The following RPA1 variants were observed in gnomAD, a reference collection of about 807,000 sequenced individuals.
The protein encoded by RPA1 is replication protein A1.
In RPA1, 49 loss-of-function variants were observed where a neutral mutation model predicts 83.0. The ratio of observed to expected loss-of-function variants is 0.59; its 90% confidence interval spans 0.47 to 0.75. RPA1 has a LOEUF of 0.75. RPA1 is among the 30% of genes least tolerant of loss of function. RPA1 has a pLI of 0.00. For missense variants in RPA1, 693 were observed against 776.1 expected (o/e 0.89, Z 1.27); for synonymous variants, 279 against 281.8 (o/e 0.99, Z 0.10).
chr17:1,848,832 A>G (rs560045418), intron 4 of RPA1, among the ~76,000 whole-genome samples: 2 of 151,992 alleles, frequency 1.3e-5, no homozygotes, highest in Admixed American at 6.5e-5. Flanking sequence ...CCAAAGTCCT[A>G]GGATTACAGG....
intron 13 of RPA1, among the ~76,000 whole-genome samples, chr17:1,886,428 C>G (rs1913993788): frequency 6.6e-6 from 1 of 152,218 alleles, no homozygotes; most frequent in Non-Finnish European, 1.5e-5. Flanking sequence ...GAGAGTCAGC[C>G]TTTCCTTTGA....
chr17:1,890,523 C>A (rs552988087), intron 14 of RPA1, among the ~76,000 whole-genome samples: 42 of 151,618 alleles, frequency 2.8e-4, no homozygotes, highest in Non-Finnish European at 5.3e-4. Context: ...ATTAGCCAGG[C>A]GTGGTGGCGG....
chr17:1,852,730 A>G (rs7224523), intron 4 of RPA1, among the ~76,000 whole-genome samples: 31,281 of 152,184 alleles, frequency 0.21, 3,390 homozygotes, highest in Admixed American at 0.24. Context: ...TAAAATATCT[A>G]TTGTCATAAT....
At chr17:1,833,988 C>T (rs573711905) in intron 1 of RPA1, among the ~76,000 whole-genome samples, 1 of 152,276 alleles carries the variant, frequency 6.6e-6, no homozygotes, top group Non-Finnish European at 1.5e-5. Flanking sequence ...TCGAGATCAG[C>T]CTGGCCAACA....
chr17:1,840,622 C>G (rs1410663009), intron 1 of RPA1, among the ~76,000 whole-genome samples: 1 of 151,886 alleles, frequency 6.6e-6, no homozygotes, highest in East Asian at 1.9e-4. Context: ...GTTGCCCCGA[C>G]TGGTCTCGAA....
chr17:1,868,659 T>C (rs965217083), intron 5 of RPA1, among the ~76,000 whole-genome samples: 1 of 152,030 alleles, frequency 6.6e-6, no homozygotes, highest in Non-Finnish European at 1.5e-5. Context: ...TAATCCCAGC[T>C]ACTTGGGAGA....
chr17:1,848,244 CAATAAACATGTT>C (rs1373447951), intron 4 of RPA1, among the ~76,000 whole-genome samples: 1 of 152,088 alleles, frequency 6.6e-6, no homozygotes, highest in Non-Finnish European at 1.5e-5. Context: ...AATGATATCT[CAATAAACATGTT>C]ATTTAAAAAG....
rs1914534710 is a variant in RPA1 at position 1,898,527 on chromosome 17, G to T, written c.*1352G>T. Reference sequence around the variant, plus strand: ...GCCGTCGTACCCCGGCAGTGCGGCGGTCACTCTGCAGCCAGAGGACCTGCT... The same window carrying T: ...GCCGTCGTACCCCGGCAGTGCGGCGTTCACTCTGCAGCCAGAGGACCTGCT... On this transcript the variant is annotated 3_prime_UTR_variant, in exon 17 of 17. Coordinates refer to ENST00000254719, the MANE Select transcript of RPA1 (RefSeq NM_002945.5). 1 of 152,232 alleles carries T rather than the reference G, an allele frequency of 6.6e-6. No homozygotes were observed. Among genetic ancestry groups the T allele is most frequent in the Admixed American group, 6.5e-5 (1 of 15,280 alleles). The allele number at this position is 152,232 out of a possible 1,614,324, so 9.4% of individuals were successfully genotyped here. A position where few individuals can be genotyped will look rare whatever the true frequency, so the allele number is the denominator to read the frequency against.
At chr17:1,888,238 C>T (rs17292301) in intron 13 of RPA1, among the ~76,000 whole-genome samples, 4 of 152,142 alleles carry the variant, frequency 2.6e-5, no homozygotes, top group African/African-American at 7.2e-5. Flanking sequence ...GTGTTTTGAG[C>T]GCGGGAGGGA....
At chr17:1,853,312 A>G in intron 5 of RPA1, 123 bp downstream of exon 5, 2 of 733,074 alleles carry the variant, frequency 2.7e-6, no homozygotes, top group South Asian at 3.4e-5. Flanking sequence ...TCTGAGGTCT[A>G]GGAACCAGGC....
intron 4 of RPA1, among the ~76,000 whole-genome samples, chr17:1,849,458 A>G (rs1340241715): frequency 6.6e-6 from 1 of 151,518 alleles, no homozygotes; most frequent in Admixed American, 6.6e-5. Context: ...ACGCCCGGCT[A>G]ATTTTTTGTA....
chr17:1,856,150 C>T (rs771746494), intron 5 of RPA1, among the ~76,000 whole-genome samples: 2 of 152,020 alleles, frequency 1.3e-5, no homozygotes, highest in African/African-American at 2.4e-5. Flanking sequence ...ATGATAAAAC[C>T]CAGTCTCTAC....
intron 1 of RPA1, among the ~76,000 whole-genome samples, chr17:1,831,691 T>C (rs546530600): frequency 4.9e-4 from 73 of 150,258 alleles, no homozygotes; most frequent in African/African-American, 1.7e-3. Context: ...CTCTGCCTCC[T>C]GGGTTCACGC....
At chr17:1,859,225 A>G (rs1912846140) in intron 5 of RPA1, among the ~76,000 whole-genome samples, 1 of 152,076 alleles carries the variant, frequency 6.6e-6, no homozygotes, top group African/African-American at 2.4e-5. Context: ...TTATGTCCAG[A>G]TTATGGTCTC....
At chr17:1,894,856 A>G (rs898749679) in intron 15 of RPA1, among the ~76,000 whole-genome samples, 153 bp from the exon 16 acceptor site, 4 of 152,278 alleles carry the variant, frequency 2.6e-5, no homozygotes, top group African/African-American at 9.6e-5. Context: ...TACTTAAAAC[A>G]GTTTCATGTA....
chr17:1,850,229 T>A (rs1912439998), intron 4 of RPA1, among the ~76,000 whole-genome samples: 1 of 150,848 alleles, frequency 6.6e-6, no homozygotes, highest in Non-Finnish European at 1.5e-5. Flanking sequence ...CGATAAATCC[T>A]GCCTTAAAAA....
At chr17:1,895,574 A>T (rs1401871165) in intron 16 of RPA1, among the ~76,000 whole-genome samples, 1 of 151,894 alleles carries the variant, frequency 6.6e-6, no homozygotes, top group African/African-American at 2.4e-5. Flanking sequence ...CCCGTTTCTA[A>T]GTCAGTCAGT....
intron 16 of RPA1, among the ~76,000 whole-genome samples, chr17:1,895,591 A>C (rs1914381165): frequency 6.6e-6 from 1 of 151,898 alleles, no homozygotes; most frequent in African/African-American, 2.4e-5. Flanking sequence ...CAGTCAGTAT[A>C]TGAAACAAAG....
At chr17:1,897,027 C>A (rs371255449) in intron 16 of RPA1, 44 bp from the exon 17 acceptor site, 3 of 1,510,626 alleles carry the variant, frequency 2.0e-6, no homozygotes, top group African/African-American at 1.4e-5. Flanking sequence ...CACTGCTCCA[C>A]ACCACACTTT....
Sources: allele counts gnomAD v4.1 joint callset (sites outside exome capture counted in the v4.1 genomes callset), GRCh38; gene constraint gnomAD v4.1.1; transcripts MANE v1.5; gene names NCBI Gene and HGNC (gene_info 2026-07-23, HGNC 2026-07-21).